Variants in FMN1 observed in about 807,000 individuals in gnomAD.
FMN1 encodes formin-1.
FMN1 carries 110 observed loss-of-function variants against 132.4 expected under a neutral mutation model. The observed-to-expected ratio is 0.83, with a 90% confidence interval of 0.71 to 0.97. The LOEUF (loss-of-function observed/expected upper bound fraction) is 0.97. FMN1 is among the 50% of genes least tolerant of loss of function. The probability of loss-of-function intolerance (pLI) is 0.00; values close to 1 mark genes in which losing one functional copy is unlikely to be tolerated. For missense variants in FMN1, 1,792 were observed against 1,705.3 expected, an observed-to-expected ratio of 1.05 and a Z score of -0.90; for synonymous variants, 722 against 651.7, an observed-to-expected ratio of 1.11 and a Z score of -1.64.
chr15:32,930,813 T>C (rs911137232), intron 9 of FMN1, among the ~76,000 whole-genome samples: 6 of 152,170 alleles, frequency 3.9e-5, no homozygotes, highest in South Asian at 2.1e-4. Flanking sequence ...TAAAAAAGTT[T>C]TATAGTTTCA....
intron 5 of FMN1, among the ~76,000 whole-genome samples, 200 bp downstream of exon 5, chr15:33,088,599 C>T (rs1177677369): frequency 6.6e-6 from 1 of 152,232 alleles, no homozygotes; most frequent in African/African-American, 2.4e-5. Context: ...CACTTCCAGA[C>T]AAGTTGCTAG....
In FMN1 at chr15:32,964,132, T is replaced by A; in HGVS notation, c.3113A>T (p.Tyr1038Phe). 6.2e-7 allele frequency: 1 copy of A among 1,612,586 alleles called. No individual in the cohort carries two copies. Among genetic ancestry groups the A allele is most frequent in the South Asian group, 1.1e-5 (1 of 90,830 alleles). Residue 1038 changes from tyrosine to phenylalanine, a missense_variant, in exon 9 of 21, where the codon TAT becomes TTT. Around this residue, in one of 3 missense-constraint regions of FMN1, gnomAD observed 1,150 missense variants for 1,043.1 expected, o/e 1.10. Transcript: ENST00000616417. ...CTTTTTGACCTTGTTTTTCTTCTCA[T>A]AAGTCTCTGACAGAGGTTTTTTCTT... ...QQKKKPLSET[Y>F]EKKNKVKKII...
At chr15:33,095,686 T>A (rs1216053177) in intron 4 of FMN1, among the ~76,000 whole-genome samples, 1 of 152,142 alleles carries the variant, frequency 6.6e-6, no homozygotes, top group African/African-American at 2.4e-5. Context: ...AAAATATTAT[T>A]GAAGAATAAG....
intron 19 of FMN1, among the ~76,000 whole-genome samples, chr15:32,779,414 T>C (rs1249391061): frequency 6.6e-6 from 1 of 152,218 alleles, no homozygotes; most frequent in African/African-American, 2.4e-5. Flanking sequence ...TAGACAATAT[T>C]AACTGTTTGT....
Position 32,767,614 on chromosome 15 carries a change from T to C in FMN1, c.*6696A>G, listed in dbSNP as rs1039583664. 1 of 152,228 alleles carries C rather than the reference T, an allele frequency of 6.6e-6. No homozygotes were observed. The highest frequency in any genetic ancestry group is 2.4e-5 in the African/African-American group (1 of 41,468). The allele number at this position is 152,228 out of a possible 1,614,324, so 9.4% of individuals were successfully genotyped here. A position where few individuals can be genotyped will look rare whatever the true frequency, so the allele number is the denominator to read the frequency against. On this transcript the variant is annotated 3_prime_UTR_variant, in exon 21 of 21. Transcript: ENST00000616417. ...TCTAATTTTAAAAGTTTCTGCCTTT[T>C]TAGTATTTTAGATTGGTTCTTTAAA...
intron 5 of FMN1, among the ~76,000 whole-genome samples, chr15:33,065,690 T>C (rs1440598219): frequency 1.3e-5 from 2 of 152,214 alleles, no homozygotes; most frequent in African/African-American, 4.8e-5. Context: ...TTTTTAACAT[T>C]TTAACTGAAT....
chr15:33,171,212 G>A (rs553782143), intron 3 of FMN1, among the ~76,000 whole-genome samples: 1 of 152,214 alleles, frequency 6.6e-6, no homozygotes, highest in Non-Finnish European at 1.5e-5. Context: ...CAGAGACTGA[G>A]AAGGGGATGT....
At chr15:33,150,197 G>A in intron 4 of FMN1, 1 of 985,422 alleles carries the variant, frequency 1.0e-6, no homozygotes, top group Non-Finnish European at 1.2e-6. Context: ...TGAATCAAAG[G>A]TAAATGAAAG....
At chr15:32,934,049 CTT>C (rs1314026540) in intron 9 of FMN1, among the ~76,000 whole-genome samples, 2 of 151,436 alleles carry the variant, frequency 1.3e-5, no homozygotes, top group African/African-American at 4.9e-5. Context: ...GTAGTTTTGT[CTT>C]TTTCTATATT....
intron 4 of FMN1, among the ~76,000 whole-genome samples, chr15:33,108,642 C>T (rs1255264044): frequency 1.3e-5 from 2 of 152,034 alleles, no homozygotes; most frequent in African/African-American, 2.4e-5. Flanking sequence ...TTCCTCTCCC[C>T]ACTCTTAAGA....
At chr15:32,874,410 GA>G (rs573965440) in intron 16 of FMN1, among the ~76,000 whole-genome samples, 1 of 150,786 alleles carries the variant, frequency 6.6e-6, no homozygotes, top group Non-Finnish European at 1.5e-5. Context: ...GTCATGGATT[GA>G]AAAAAAAATT....
intron 16 of FMN1, among the ~76,000 whole-genome samples, chr15:32,871,559 A>G (rs1391687840): frequency 6.6e-6 from 1 of 152,180 alleles, no homozygotes; most frequent in Non-Finnish European, 1.5e-5. Flanking sequence ...GTCAGGCTTG[A>G]GCCACATCTG....
chr15:32,976,850 C>T (rs976806743), intron 7 of FMN1, among the ~76,000 whole-genome samples: 10 of 152,102 alleles, frequency 6.6e-5, no homozygotes, highest in African/African-American at 2.4e-4. Flanking sequence ...CATGCTGATG[C>T]TCGAGAAACA....
chr15:32,958,594 T>C (rs528072588), intron 9 of FMN1, among the ~76,000 whole-genome samples: 1 of 148,116 alleles, frequency 6.8e-6, no homozygotes, highest in South Asian at 2.2e-4. Context: ...ACATACATGC[T>C]TAAACAAGTG....
chr15:33,127,097 G>C (rs910289055), intron 4 of FMN1, among the ~76,000 whole-genome samples: 3 of 152,136 alleles, frequency 2.0e-5, no homozygotes, highest in Admixed American at 2.0e-4. Context: ...GAGCTGGTTG[G>C]GGGAGTGATG....
intron 9 of FMN1, among the ~76,000 whole-genome samples, chr15:32,940,699 C>T (rs1251229339): frequency 6.6e-6 from 1 of 152,082 alleles, no homozygotes; most frequent in Non-Finnish European, 1.5e-5. Flanking sequence ...ATCCAGATCT[C>T]ACTTTTATAA....
At chr15:33,173,586 G>C (rs965692894) in intron 3 of FMN1, among the ~76,000 whole-genome samples, 1 of 152,236 alleles carries the variant, frequency 6.6e-6, no homozygotes, top group African/African-American at 2.4e-5. Context: ...GCTGTGAGGA[G>C]GAGGATAGAG....
At chr15:33,009,456 T>C (rs1340884128) in intron 6 of FMN1, among the ~76,000 whole-genome samples, 1 of 152,138 alleles carries the variant, frequency 6.6e-6, no homozygotes, top group Non-Finnish European at 1.5e-5. Flanking sequence ...TACATATCTC[T>C]CCCTATCATT....
chr15:33,015,172 C>T (rs17816639), intron 6 of FMN1, among the ~76,000 whole-genome samples: 48,042 of 151,994 alleles, frequency 0.32, 7,689 homozygotes, highest in Admixed American at 0.33. Context: ...TCGTTCTTGC[C>T]GTTCTTTTGG....
Sources: gnomAD v4.1 joint callset for allele counts (sites outside exome capture counted in the v4.1 genomes callset) on GRCh38, gnomAD v4.1.1 for gene constraint, gnomAD v4.1.1 regional missense constraint, MANE v1.5 for transcripts, NCBI Gene and HGNC (gene_info 2026-07-23, HGNC 2026-07-21) for gene names.